The following NTM variants were observed in gnomAD, a reference collection of about 807,000 sequenced individuals.
NTM encodes the protein neurotrimin.
NTM carries 13 observed loss-of-function variants against 42.1 expected under a neutral mutation model. The ratio of observed to expected loss-of-function variants is 0.31; its 90% CI spans 0.20 to 0.49. The LOEUF (loss-of-function observed/expected upper bound fraction) is 0.49, where lower values mean the gene tolerates loss of function less well. Ranked by LOEUF, NTM falls within the 20% of genes least tolerant of loss-of-function variation. The pLI, the probability that NTM is intolerant of heterozygous loss-of-function variation, is 0.99. For synonymous variants in NTM, 187 were observed against 179.2 expected (o/e 1.04, Z -0.35); for missense variants, 373 against 452.8 (o/e 0.82, Z 1.60).
At chr11:132,168,867 C>G (rs1389363201) in intron 3 of NTM, among the ~76,000 whole-genome samples, 1 of 152,140 alleles carries the variant, frequency 6.6e-6, no homozygotes, top group African/African-American at 2.4e-5. Context: ...GGCTGTGGCT[C>G]TGTCAAGCAG....
Position 131,643,538 on chromosome 11 carries a change from A to ACT in NTM, c.83-268010_83-268009dup, listed in dbSNP as rs138097203. ...TCAGTAGTCCCTAGGGCTCTACTCA[A>ACT]CTCTCTCTCTCTCTCTCGTGTCGCA... is the stretch of plus-strand genomic sequence containing the variant. On this transcript the variant is annotated intron_variant, in intron 1 of 8. Coordinates refer to ENST00000683400, the MANE Select transcript of NTM (RefSeq NM_001352005.2). Among the ~76,000 whole-genome samples the ACT allele has an allele frequency of 4.0e-3, 586 of 147,998 alleles. 6 individuals are homozygous for ACT. The highest frequency in any genetic ancestry group is 0.013 in the African/African-American group (535 of 40,406).
chr11:131,684,128 C>T (rs1162389326), intron 1 of NTM, among the ~76,000 whole-genome samples: 3 of 152,242 alleles, frequency 2.0e-5, no homozygotes, highest in Admixed American at 6.5e-5. Flanking sequence ...TTGGGAGAAC[C>T]CCCTCTGGAT....
At chr11:131,499,014 C>G (rs535085720) in intron 1 of NTM, among the ~76,000 whole-genome samples, 1 of 151,978 alleles carries the variant, frequency 6.6e-6, no homozygotes, top group East Asian at 1.9e-4. Context: ...AAGCATCCCC[C>G]GGGACATTCT....
intron 2 of NTM, among the ~76,000 whole-genome samples, chr11:132,048,959 TGA>T (rs2078450671): frequency 6.6e-6 from 1 of 152,022 alleles, no homozygotes; most frequent in Non-Finnish European, 1.5e-5. Context: ...CTGACTGACC[TGA>T]GAGAGAAGGA....
At chr11:131,632,082 A>G (rs2063713774) in intron 1 of NTM, among the ~76,000 whole-genome samples, 1 of 152,156 alleles carries the variant, frequency 6.6e-6, no homozygotes, top group Admixed American at 6.5e-5. Context: ...AGATCTGCAG[A>G]TGTGGTGATT....
At chr11:131,656,421 G>T (rs1224298284) in intron 1 of NTM, among the ~76,000 whole-genome samples, 1 of 152,248 alleles carries the variant, frequency 6.6e-6, no homozygotes, top group Admixed American at 6.5e-5. Flanking sequence ...CTGCGATGCA[G>T]CATGGGCTGT....
chr11:132,161,370 CTT>C (rs55732584), intron 3 of NTM, among the ~76,000 whole-genome samples: 11,463 of 63,790 alleles, frequency 0.18, 1,018 homozygotes, highest in African/African-American at 0.3. Flanking sequence ...TTTCGAGCAG[CTT>C]TTTTTTTTTT....
intron 4 of NTM, among the ~76,000 whole-genome samples, chr11:132,245,336 T>C (rs751006994): frequency 1.1e-4 from 16 of 149,978 alleles, no homozygotes; most frequent in Non-Finnish European, 2.2e-4. Flanking sequence ...AGACGGGAGG[T>C]GAAAGGGCAC....
At chr11:131,975,786 A>G (rs2134783866) in intron 2 of NTM, among the ~76,000 whole-genome samples, 1 of 152,238 alleles carries the variant, frequency 6.6e-6, no homozygotes, top group South Asian at 2.1e-4. Context: ...GAAGAGGGTC[A>G]TGAGAGGAGA....
intron 1 of NTM, among the ~76,000 whole-genome samples, chr11:131,569,669 C>T (rs1421185012): frequency 6.6e-6 from 1 of 150,658 alleles, no homozygotes; most frequent in Non-Finnish European, 1.5e-5. Context: ...TCTCAAACTC[C>T]TGGGCTCAAG....
intron 1 of NTM, among the ~76,000 whole-genome samples, chr11:131,472,105 G>C (rs138271015): frequency 2.0e-5 from 3 of 152,130 alleles, no homozygotes; most frequent in Non-Finnish European, 4.4e-5. Context: ...CAATAAGCTG[G>C]CCCCCTCAGA....
At chr11:132,115,774 A>G (rs1374463684) in intron 2 of NTM, among the ~76,000 whole-genome samples, 1 of 152,192 alleles carries the variant, frequency 6.6e-6, no homozygotes, top group Non-Finnish European at 1.5e-5. Flanking sequence ...CTCTCCCTTC[A>G]TTGATTATCA....
At chr11:131,530,425 C>T (rs1024008204) in intron 1 of NTM, among the ~76,000 whole-genome samples, 8 of 84,970 alleles carry the variant, frequency 9.4e-5, no homozygotes, top group Admixed American at 3.7e-4. Flanking sequence ...GTGCCTTTCT[C>T]AAAAAAAAAA....
chr11:131,796,158 C>G (rs112189641), intron 1 of NTM: 2 of 985,172 alleles, frequency 2.0e-6, no homozygotes, highest in Non-Finnish European at 2.4e-6. Flanking sequence ...AATGAAATAT[C>G]GAAGCCCTCC....
intron 1 of NTM, among the ~76,000 whole-genome samples, chr11:131,698,767 T>C (rs1022238284): frequency 3.9e-5 from 6 of 152,222 alleles, no homozygotes; most frequent in Non-Finnish European, 7.3e-5. Context: ...GTTAGGAGTA[T>C]TCTTCTCATG....
chr11:132,078,842 C>G (rs1770283831), intron 2 of NTM, among the ~76,000 whole-genome samples: 1 of 152,184 alleles, frequency 6.6e-6, no homozygotes, highest in Non-Finnish European at 1.5e-5. Flanking sequence ...TTGTTATAAG[C>G]CTTTTCAAAA....
intron 1 of NTM, among the ~76,000 whole-genome samples, chr11:131,504,841 C>T (rs2047290067): frequency 6.6e-6 from 1 of 152,114 alleles, no homozygotes. Context: ...ATATGCCTGC[C>T]TGCACCCCGC....
chr11:131,867,779 G>A (rs921155654), intron 1 of NTM, among the ~76,000 whole-genome samples: 2 of 152,174 alleles, frequency 1.3e-5, no homozygotes, highest in Admixed American at 6.5e-5. Flanking sequence ...GCGGGCATGA[G>A]ATTTGCAGAG....
intron 2 of NTM, among the ~76,000 whole-genome samples, chr11:131,987,421 A>ATTCTG (rs71278705): frequency 2.2e-5 from 3 of 139,490 alleles, no homozygotes; most frequent in Admixed American, 2.1e-4. Context: ...ATTCTATTCT[A>ATTCTG]TTCTATTCTA....
Sources: allele counts gnomAD v4.1 joint callset (sites outside exome capture counted in the v4.1 genomes callset), GRCh38; gene constraint gnomAD v4.1.1; transcripts MANE v1.5; gene names NCBI Gene and HGNC (gene_info 2026-07-23, HGNC 2026-07-21).